Variants in FRMD4A observed in about 807,000 individuals in gnomAD.
FRMD4A encodes the protein FERM domain-containing protein 4A.
FRMD4A carries 29 observed loss-of-function variants against 129.1 expected under a neutral mutation model. The observed-to-expected ratio is 0.22, with a 90% confidence interval of 0.17 to 0.31. FRMD4A has a LOEUF of 0.31. Among genes scored for constraint, FRMD4A ranks in the 10% least tolerant of loss-of-function variants. FRMD4A has a pLI of 1.00. For synonymous variants in FRMD4A, 634 were observed against 571.6 expected, an observed-to-expected ratio of 1.11 and a Z score of -1.56; for missense variants, 1,272 against 1,375.8, an observed-to-expected ratio of 0.92 and a Z score of 1.19.
At chr10:14,119,610 G>A (rs1838387572) in intron 2 of FRMD4A, among the ~76,000 whole-genome samples, 1 of 152,190 alleles carries the variant, frequency 6.6e-6, no homozygotes, top group South Asian at 2.1e-4. Context: ...GTCAGGATCT[G>A]TGATTAATGG....
At chr10:13,744,005 T>G (rs1223106793) in intron 9 of FRMD4A, among the ~76,000 whole-genome samples, 2 of 152,068 alleles carry the variant, frequency 1.3e-5, no homozygotes, top group African/African-American at 4.8e-5. Flanking sequence ...AGGCAAATGA[T>G]CAAAGCTGCC....
intron 4 of FRMD4A, among the ~76,000 whole-genome samples, chr10:13,800,590 G>C (rs182328167): frequency 6.6e-6 from 1 of 152,128 alleles, no homozygotes; most frequent in Admixed American, 6.6e-5. Context: ...AATGGTCCAG[G>C]CTTGAGATAT....
intron 2 of FRMD4A, among the ~76,000 whole-genome samples, chr10:14,192,162 A>C (rs1842339081): frequency 1.3e-5 from 2 of 152,208 alleles, no homozygotes; most frequent in Admixed American, 6.5e-5. Flanking sequence ...CAATTCACTG[A>C]CTTTTCTAGG....
intron 2 of FRMD4A, among the ~76,000 whole-genome samples, chr10:14,116,868 TTA>T (rs1838226105): frequency 6.6e-6 from 1 of 152,212 alleles, no homozygotes; most frequent in Non-Finnish European, 1.5e-5. Flanking sequence ...TAACTTCCTG[TTA>T]TGTTACATCT....
intron 15 of FRMD4A, chr10:13,684,300 G>T (rs755565959): frequency 4.2e-5 from 41 of 983,530 alleles, no homozygotes; most frequent in Admixed American, 6.1e-5. Flanking sequence ...TCCAAGCAGA[G>T]AGAGAGATGG....
intron 2 of FRMD4A, among the ~76,000 whole-genome samples, chr10:14,116,047 G>A (rs1200809719): frequency 6.6e-6 from 1 of 152,232 alleles, no homozygotes. Flanking sequence ...TAGTTGGCAA[G>A]CATCATTTTC....
intron 2 of FRMD4A, among the ~76,000 whole-genome samples, chr10:14,150,388 T>C (rs1840282690): frequency 6.6e-6 from 1 of 152,222 alleles, no homozygotes; most frequent in African/African-American, 2.4e-5. Context: ...AATTAGATCG[T>C]TATTTCCATT....
intron 8 of FRMD4A, among the ~76,000 whole-genome samples, chr10:13,752,630 A>G (rs2091681308): frequency 1.3e-5 from 2 of 152,208 alleles, no homozygotes; most frequent in African/African-American, 4.8e-5. Flanking sequence ...CTATCGTAAC[A>G]GAAAGGAACA....
chr10:13,967,907 G>A (rs147678624), intron 2 of FRMD4A, among the ~76,000 whole-genome samples: 21 of 152,352 alleles, frequency 1.4e-4, no homozygotes, highest in African/African-American at 4.3e-4. Context: ...TTAGCTGGGC[G>A]TGGTGGCGCA....
chr10:13,652,291 G>A (rs74121362), intron 23 of FRMD4A: 11,283 of 392,468 alleles, frequency 0.029, 662 homozygotes, highest in African/African-American at 0.14. Flanking sequence ...CTAGTTGTAG[G>A]TGGTGAAATA....
At chr10:14,241,300 C>G (rs1182983071) in intron 2 of FRMD4A, among the ~76,000 whole-genome samples, 3 of 152,136 alleles carry the variant, frequency 2.0e-5, no homozygotes, top group African/African-American at 7.2e-5. Flanking sequence ...GTACACCAAG[C>G]AAAATCAGCT....
intron 8 of FRMD4A, among the ~76,000 whole-genome samples, chr10:13,760,704 G>C (rs10450542): frequency 0.25 from 38,585 of 151,988 alleles, 5,621 homozygotes; most frequent in East Asian, 0.54. Flanking sequence ...GAAACAGACA[G>C]GTTCTTAGAT....
At chr10:14,056,811 G>C (rs1299826019) in intron 2 of FRMD4A, among the ~76,000 whole-genome samples, 3 of 152,142 alleles carry the variant, frequency 2.0e-5, no homozygotes, top group Non-Finnish European at 4.4e-5. Context: ...TTCTTCTAGG[G>C]AGAGAAACGA....
intron 2 of FRMD4A, among the ~76,000 whole-genome samples, chr10:14,146,836 G>A (rs1374149172): frequency 6.6e-6 from 1 of 152,150 alleles, no homozygotes; most frequent in Non-Finnish European, 1.5e-5. Context: ...GTCAACTGAT[G>A]GACTGAAAAT....
At chr10:14,023,398 A>G (rs1832848511) in intron 2 of FRMD4A, among the ~76,000 whole-genome samples, 1 of 152,134 alleles carries the variant, frequency 6.6e-6, no homozygotes, top group Non-Finnish European at 1.5e-5. Flanking sequence ...AAGGTTCCTG[A>G]AAAGGACTCA....
At chr10:13,810,396 T>C (rs1250564815) in intron 4 of FRMD4A, among the ~76,000 whole-genome samples, 2 of 152,134 alleles carry the variant, frequency 1.3e-5, no homozygotes, top group Admixed American at 6.5e-5. Context: ...ACACTGAAAC[T>C]GCACAGGTTA....
chr10:14,027,060 G>A (rs1448602243), intron 2 of FRMD4A, among the ~76,000 whole-genome samples: 1 of 152,178 alleles, frequency 6.6e-6, no homozygotes, highest in Admixed American at 6.5e-5. Context: ...CATGGAAAAT[G>A]GGGGTCTCCA....
chr10:13,673,231 C>T (rs754410896), intron 16 of FRMD4A, among the ~76,000 whole-genome samples: 84 of 152,258 alleles, frequency 5.5e-4, no homozygotes, highest in Admixed American at 9.2e-4. Flanking sequence ...TAGCGCATTC[C>T]CCAGCCAGGC....
rs150685739 is a variant in FRMD4A at position 14,296,814 on chromosome 10, A to G, written c.45+33244T>C. Among the ~76,000 whole-genome samples the G allele has an allele frequency of 4.8e-3, 724 of 152,220 alleles. 4 individuals are homozygous for G. The highest frequency in any genetic ancestry group is 0.017 in the African/African-American group (690 of 41,524). ...TGTCTTCATTATCATCTCAGGGAGG[A>G]AGAGCAAAGGGAAATGAAGCGCATA... On this transcript the variant is annotated intron_variant, in intron 2 of 24. Transcript: ENST00000357447.
Sources: allele counts gnomAD v4.1 joint callset (sites outside exome capture counted in the v4.1 genomes callset), GRCh38; gene constraint gnomAD v4.1.1; transcripts MANE v1.5; gene names NCBI Gene and HGNC (gene_info 2026-07-23, HGNC 2026-07-21).